Variants in KALRN observed in about 807,000 individuals in gnomAD.
KALRN encodes the protein kalirin RhoGEF kinase, also known as kalirin.
A neutral mutation model predicts 353.7 loss-of-function variants in KALRN; 70 were observed. The observed-to-expected ratio is 0.20, with a 90% CI of 0.16 to 0.24. The LOEUF (loss-of-function observed/expected upper bound fraction) is 0.24. KALRN is among the 10% of genes least tolerant of loss of function. KALRN has a pLI of 1.00. For synonymous variants in KALRN, 1,391 were observed against 1,434.8 expected (o/e 0.97, Z 0.69); for missense variants, 2,791 against 3,756.7 (o/e 0.74, Z 6.72).
chr3:124,621,849 A>G (rs911832211), intron 34 of KALRN, among the ~76,000 whole-genome samples: 12 of 152,232 alleles, frequency 7.9e-5, no homozygotes, highest in African/African-American at 2.9e-4. Flanking sequence ...ACCATGCAGG[A>G]CATATTATGT....
intron 37 of KALRN, among the ~76,000 whole-genome samples, chr3:124,647,558 C>T (rs903624218): frequency 1.3e-5 from 2 of 152,214 alleles, no homozygotes; most frequent in African/African-American, 4.8e-5. Context: ...CCTTCTCCAT[C>T]CCACCATAGA....
chr3:124,125,323 G>A (rs963678839), intron 1 of KALRN, among the ~76,000 whole-genome samples: 4 of 152,202 alleles, frequency 2.6e-5, no homozygotes, highest in African/African-American at 7.2e-5. Flanking sequence ...TGGATTACAA[G>A]TTTCCTGCTC....
intron 8 of KALRN, among the ~76,000 whole-genome samples, chr3:124,331,107 C>A (rs2080501650): frequency 6.6e-6 from 1 of 152,146 alleles, no homozygotes; most frequent in Admixed American, 6.5e-5. Context: ...CTGGTTTCAT[C>A]TGTGAAATCA....
chr3:124,191,674 G>C lies in KALRN; in HGVS notation c.74-36316G>C, dbSNP rs528596081. Among the ~76,000 whole-genome samples the C allele has an allele frequency of 2.6e-5, 4 of 152,182 alleles. No homozygotes were observed. The South Asian group carries it at 6.2e-4, about 24-fold the overall frequency. On this transcript the variant is annotated intron_variant, in intron 1 of 59. Coordinates refer to ENST00000682506, the MANE Select transcript of KALRN (RefSeq NM_001388419.1). ...TTTCTTTCTTTGTTTTTCTCTCTCTGTATAGTCTCCCTACATGGCTAGCTT... is the reference window on the plus strand; with the variant it reads ...TTTCTTTCTTTGTTTTTCTCTCTCTCTATAGTCTCCCTACATGGCTAGCTT...
intron 45 of KALRN, among the ~76,000 whole-genome samples, chr3:124,662,418 A>T (rs1267608976): frequency 6.6e-6 from 1 of 151,920 alleles, no homozygotes; most frequent in East Asian, 1.9e-4. Context: ...CCATGTTGCC[A>T]GGCTAGGAAA....
chr3:124,293,868 G>A (rs1342433165), intron 5 of KALRN, among the ~76,000 whole-genome samples: 1 of 152,146 alleles, frequency 6.6e-6, no homozygotes, highest in Non-Finnish European at 1.5e-5. Flanking sequence ...CTGGAAGGGA[G>A]CTTAGAAAGA....
intron 51 of KALRN, among the ~76,000 whole-genome samples, chr3:124,682,378 G>T (rs3772790): frequency 0.2 from 30,117 of 152,098 alleles, 4,131 homozygotes; most frequent in East Asian, 0.4. Flanking sequence ...GCTGAATCCT[G>T]TGCTGAGGGT....
At chr3:124,522,678 C>T (rs1351903125) in intron 33 of KALRN, among the ~76,000 whole-genome samples, 1 of 152,202 alleles carries the variant, frequency 6.6e-6, no homozygotes, top group Non-Finnish European at 1.5e-5. Context: ...GGATACAAAA[C>T]TTTGCATTTC....
At chr3:124,594,190 C>T (rs2076061410) in intron 34 of KALRN, among the ~76,000 whole-genome samples, 1 of 152,202 alleles carries the variant, frequency 6.6e-6, no homozygotes, top group Admixed American at 6.5e-5. Context: ...AACTTGCTTT[C>T]ATTTAATCTT....
At chr3:124,681,335 G>T (rs530785225) in intron 51 of KALRN, among the ~76,000 whole-genome samples, 15 of 152,324 alleles carry the variant, frequency 9.8e-5, no homozygotes, top group African/African-American at 3.6e-4. Context: ...TTCATCTAAG[G>T]CTTTTAGTCC....
intron 1 of KALRN, among the ~76,000 whole-genome samples, chr3:124,036,807 T>A (rs2039469063): frequency 6.6e-6 from 1 of 152,250 alleles, no homozygotes; most frequent in South Asian, 2.1e-4. Context: ...TAATTAGGCA[T>A]GTTTCAAATT....
chr3:124,621,750 G>A (rs2079294808), intron 34 of KALRN, among the ~76,000 whole-genome samples: 1 of 152,260 alleles, frequency 6.6e-6, no homozygotes, highest in Non-Finnish European at 1.5e-5. Flanking sequence ...AGCCGTGCCA[G>A]AACCTGGCCG....
intron 37 of KALRN, 134 bp from the exon 38 acceptor site, chr3:124,650,674 C>G: frequency 1.2e-6 from 1 of 840,300 alleles, no homozygotes; most frequent in South Asian, 1.8e-5. Context: ...TCTGCTAGTG[C>G]TTCACTGTGG....
At chr3:124,495,940 C>G (rs1160418884) in intron 32 of KALRN, among the ~76,000 whole-genome samples, 1 of 99,682 alleles carries the variant, frequency 1.0e-5, no homozygotes, top group African/African-American at 3.6e-5. Flanking sequence ...CAGACCCGTT[C>G]CCAAGTGTGT....
intron 13 of KALRN, among the ~76,000 whole-genome samples, chr3:124,408,052 C>T (rs1033945514): frequency 6.6e-6 from 1 of 152,126 alleles, no homozygotes; most frequent in East Asian, 1.9e-4. Context: ...GGATTACAGG[C>T]GTGAGCCACT....
Position 124,338,274 on chromosome 3 carries a change from G to T in KALRN, c.1647+3779G>T, listed in dbSNP as rs527786081. On this transcript the variant is annotated intron_variant, in intron 9 of 59. Coordinates refer to ENST00000682506, the MANE Select transcript of KALRN (RefSeq NM_001388419.1). ...TCCCGCTTTCTCCTGTGGGCATTTA[G>T]TGCTATAAATTTCCATCTGAACACT... Among the ~76,000 whole-genome samples the T allele has an allele frequency of 3.9e-5, 6 of 152,290 alleles. No homozygotes were observed. In the South Asian group the frequency reaches 1.2e-3, roughly 32 times the overall value.
intron 33 of KALRN, among the ~76,000 whole-genome samples, chr3:124,516,793 GT>G (rs756075479): frequency 1.3e-4 from 19 of 148,446 alleles, no homozygotes; most frequent in South Asian, 4.3e-4. Flanking sequence ...TTTCTTTCTT[GT>G]TTTTTTTTTC....
chr3:124,161,703 A>C (rs549491562), intron 1 of KALRN, among the ~76,000 whole-genome samples: 46 of 152,308 alleles, frequency 3.0e-4, no homozygotes, highest in Admixed American at 5.9e-4. Context: ...TATCTCCCAG[A>C]TCATTCATTC....
At chr3:124,091,347 A>T (rs1478858870) in intron 1 of KALRN, among the ~76,000 whole-genome samples, 1 of 152,112 alleles carries the variant, frequency 6.6e-6, no homozygotes, top group East Asian at 1.9e-4. Context: ...AGATAGGTCC[A>T]TGTGTCTGAG....
Sources: gnomAD v4.1 joint callset for allele counts (sites outside exome capture counted in the v4.1 genomes callset) on GRCh38, gnomAD v4.1.1 for gene constraint, MANE v1.5 for transcripts, NCBI Gene and HGNC (gene_info 2026-07-23, HGNC 2026-07-21) for gene names.